The following MCUB variants were observed in gnomAD, a reference collection of about 807,000 sequenced individuals.
MCUB encodes the protein calcium uniporter regulatory subunit MCUb, mitochondrial.
MCUB carries 46 observed loss-of-function variants against 41.4 expected under a neutral mutation model. The observed-to-expected ratio is 1.11, with a 90% CI of 0.88 to 1.42. The LOEUF (loss-of-function observed/expected upper bound fraction) is 1.42, where lower values mean the gene tolerates loss of function less well. Ranked by LOEUF, MCUB falls within the 40% of genes most tolerant of loss-of-function variation. MCUB has a pLI of 0.00. For missense variants in MCUB, 403 were observed against 404.9 expected, an observed-to-expected ratio of 1.00 and a Z score of 0.04; for synonymous variants, 148 against 148.2, an observed-to-expected ratio of 1.00 and a Z score of 0.01.
intron 1 of MCUB, among the ~76,000 whole-genome samples, chr4:109,610,546 T>C (rs1406872984): frequency 6.6e-6 from 1 of 152,234 alleles, no homozygotes; most frequent in Non-Finnish European, 1.5e-5. Context: ...TTGTTTGATC[T>C]TAGATCTGCT....
intron 1 of MCUB, among the ~76,000 whole-genome samples, chr4:109,590,769 C>T (rs1234041447): frequency 1.3e-5 from 2 of 152,122 alleles, no homozygotes; most frequent in Admixed American, 1.3e-4. Flanking sequence ...TGCTTGTCTC[C>T]CCTTTCTCTC....
At chr4:109,592,911 T>C (rs988056639) in intron 1 of MCUB, among the ~76,000 whole-genome samples, 1 of 152,232 alleles carries the variant, frequency 6.6e-6, no homozygotes, top group African/African-American at 2.4e-5. Context: ...CACAGATATT[T>C]TGAGAGTAAC....
chr4:109,598,242 G>A (rs934428574), intron 1 of MCUB, among the ~76,000 whole-genome samples: 1 of 151,344 alleles, frequency 6.6e-6, no homozygotes, highest in African/African-American at 2.4e-5. Flanking sequence ...GCCAAGGCAG[G>A]CGGCTGGGAG....
At chr4:109,612,447 G>A (rs1024025918) in intron 1 of MCUB, among the ~76,000 whole-genome samples, 9 of 151,792 alleles carry the variant, frequency 5.9e-5, no homozygotes, top group Admixed American at 4.6e-4. Context: ...TTGTATTTTA[G>A]TAGATATGGG....
chr4:109,655,784 G>A (rs553124332), intron 1 of MCUB, among the ~76,000 whole-genome samples: 36 of 152,172 alleles, frequency 2.4e-4, no homozygotes, highest in African/African-American at 8.7e-4. Context: ...GTTGTGGGGA[G>A]GTTGGCTAAA....
intron 1 of MCUB, among the ~76,000 whole-genome samples, chr4:109,622,363 A>C (rs1317316265): frequency 6.6e-6 from 1 of 152,220 alleles, no homozygotes; most frequent in Non-Finnish European, 1.5e-5. Flanking sequence ...TTTAAAGAAA[A>C]AATTTTTAAT....
At chr4:109,656,354 CTTTTTTTTT>C (rs752851425) in intron 1 of MCUB, among the ~76,000 whole-genome samples, 35 of 62,108 alleles carry the variant, frequency 5.6e-4, no homozygotes, top group African/African-American at 1.7e-3. Flanking sequence ...TTACTCTCTA[CTTTTTTTTT>C]TTTTTTTTTT....
At chr4:109,596,174 A>ATAAG (rs540380440) in intron 1 of MCUB, among the ~76,000 whole-genome samples, 1 of 55,878 alleles carries the variant, frequency 1.8e-5, no homozygotes, top group African/African-American at 8.3e-5. Flanking sequence ...TAGTCCATCC[A>ATAAG]TATGTGCAGA....
chr4:109,597,626 G>A (rs1290119245), intron 1 of MCUB, among the ~76,000 whole-genome samples: 1,318 of 127,298 alleles, frequency 0.01, 12 homozygotes, highest in African/African-American at 0.037. Flanking sequence ...GCAGCTGGCC[G>A]GGCGGGGGGC....
At chr4:109,592,675 C>G (rs960743534) in intron 1 of MCUB, among the ~76,000 whole-genome samples, 25 of 152,174 alleles carry the variant, frequency 1.6e-4, no homozygotes, top group Admixed American at 1.6e-3. Flanking sequence ...TTCCATACCA[C>G]TGCAAAAAGT....
chr4:109,672,081 T>G (rs1729470281), intron 4 of MCUB, among the ~76,000 whole-genome samples: 1 of 151,824 alleles, frequency 6.6e-6, no homozygotes, highest in Non-Finnish European at 1.5e-5. Flanking sequence ...TTATTAAATA[T>G]ATATATATTT....
intron 1 of MCUB, among the ~76,000 whole-genome samples, chr4:109,635,335 C>T (rs1348306165): frequency 2.6e-5 from 4 of 152,140 alleles, no homozygotes; most frequent in Admixed American, 1.3e-4. Flanking sequence ...AGAGCCAGGC[C>T]AGCAACCTTT....
chr4:109,623,751 A>T (rs1728304114), intron 1 of MCUB, among the ~76,000 whole-genome samples: 1 of 152,258 alleles, frequency 6.6e-6, no homozygotes, highest in South Asian at 2.1e-4. Context: ...ATAACAAGAC[A>T]CCCTGGAGGA....
chr4:109,687,222 G>A (rs1406501085), intron 7 of MCUB, among the ~76,000 whole-genome samples: 1 of 152,078 alleles, frequency 6.6e-6, no homozygotes, highest in African/African-American at 2.4e-5. Context: ...AGGTGGGCAT[G>A]GTGGTGGGCA....
chr4:109,610,290 AT>A (rs1239164175), intron 1 of MCUB, among the ~76,000 whole-genome samples: 1 of 152,082 alleles, frequency 6.6e-6, no homozygotes, highest in Non-Finnish European at 1.5e-5. Context: ...CTGGTACCTG[AT>A]TTTTGGTTCT....
At position 109,687,659 on chromosome 4, in the gene MCUB, A is replaced by T. The variant is rs528082551; in HGVS notation, c.*67A>T. 1.1e-6 allele frequency: 1 copy of T among 918,928 alleles called. No homozygotes were observed. Among genetic ancestry groups the T allele is most frequent in the African/African-American group, 1.7e-5 (1 of 60,474 alleles). 56.9% of individuals were successfully genotyped at this position (918,928 alleles called of 1,614,324 possible). ...GATTTTGCAACTTAGGATGTTTTTGAGTCCCATGGTTCATTTTGATTGTTT... is the reference window on the plus strand; with the variant it reads ...GATTTTGCAACTTAGGATGTTTTTGTGTCCCATGGTTCATTTTGATTGTTT... On this transcript the variant is annotated 3_prime_UTR_variant, in exon 8 of 8. Transcript: ENST00000394650.
chr4:109,601,878 C>G (rs1178001923), intron 1 of MCUB, among the ~76,000 whole-genome samples: 1 of 152,206 alleles, frequency 6.6e-6, no homozygotes, highest in Non-Finnish European at 1.5e-5. Context: ...CTCCCTCTCT[C>G]CACATCTTCA....
intron 1 of MCUB, among the ~76,000 whole-genome samples, chr4:109,597,392 C>T (rs1384878789): frequency 5.0e-5 from 7 of 141,370 alleles, no homozygotes; most frequent in African/African-American, 7.7e-5. Flanking sequence ...CCGGACGGGG[C>T]GGCTGGCCGG....
At position 109,644,450 on chromosome 4, in the gene MCUB, A is replaced by C. The variant is rs115384647; in HGVS notation, c.100-14561A>C. Among the ~76,000 whole-genome samples the C allele has an allele frequency of 3.2e-3, 492 of 152,338 alleles. 2 individuals are homozygous for C. The highest frequency in any genetic ancestry group is 0.011 in the African/African-American group (466 of 41,584). On this transcript the variant is annotated intron_variant, in intron 1 of 7. Transcript: ENST00000394650. ...CATTTTCTAAACATTTACCCACCTC[A>C]TTAAAAACTTTGCATAAACAAAGTA...
Sources: allele counts gnomAD v4.1 joint callset (sites outside exome capture counted in the v4.1 genomes callset), GRCh38; gene constraint gnomAD v4.1.1; transcripts MANE v1.5; gene names NCBI Gene and HGNC (gene_info 2026-07-23, HGNC 2026-07-21).